Variants in METTL8 observed in about 807,000 individuals in gnomAD.
The protein encoded by METTL8 is tRNA N(3)-cytidine methyltransferase METTL8, mitochondrial.
In METTL8, 32 loss-of-function variants were observed where a neutral mutation model predicts 48.7. The observed-to-expected ratio is 0.66, with a 90% CI of 0.50 to 0.88. METTL8 has a LOEUF of 0.88. Among genes scored for constraint, METTL8 ranks in the 40% least tolerant of loss-of-function variants. The pLI, the probability that METTL8 is intolerant of heterozygous loss-of-function variation, is 0.00. For missense variants in METTL8, 464 were observed against 474.4 expected (o/e 0.98, Z 0.20); for synonymous variants, 136 against 157.1 (o/e 0.87, Z 1.01).
At chr2:171,395,131 T>C (rs982219285) in intron 1 of METTL8, among the ~76,000 whole-genome samples, 3 of 152,216 alleles carry the variant, frequency 2.0e-5, no homozygotes, top group Non-Finnish European at 1.5e-5. Flanking sequence ...TTTATGTACC[T>C]TCTCTTAGCT....
chr2:171,346,632 T>C (rs971371110), intron 3 of METTL8, among the ~76,000 whole-genome samples: 2 of 152,188 alleles, frequency 1.3e-5, no homozygotes, highest in African/African-American at 4.8e-5. Flanking sequence ...TGCTGTATAA[T>C]AATCTGCATA....
At chr2:171,363,817 T>TATATATATATATGTATATA (rs1228494441) in intron 2 of METTL8, among the ~76,000 whole-genome samples, 2 of 129,052 alleles carry the variant, frequency 1.5e-5, no homozygotes, top group Non-Finnish European at 3.3e-5. Context: ...TATATATATC[T>TATATATATATATGTATATA]TTTTTTTTTT....
At chr2:171,363,128 C>G (rs1685333843) in intron 2 of METTL8, among the ~76,000 whole-genome samples, 1 of 151,972 alleles carries the variant, frequency 6.6e-6, no homozygotes, top group Non-Finnish European at 1.5e-5. Flanking sequence ...TATTTCTTAA[C>G]TGTAACTTCC....
intron 2 of METTL8, among the ~76,000 whole-genome samples, chr2:171,362,602 T>TAAAA (rs55767864): frequency 1.3e-5 from 2 of 150,662 alleles, no homozygotes; most frequent in Non-Finnish European, 3.0e-5. Flanking sequence ...AATAAATAAA[T>TAAAA]CAAAATTGGT....
At chr2:171,398,141 G>C (rs1408889743) in intron 1 of METTL8, among the ~76,000 whole-genome samples, 2 of 151,862 alleles carry the variant, frequency 1.3e-5, no homozygotes, top group Non-Finnish European at 2.9e-5. Flanking sequence ...TCTACTTCTG[G>C]GTATATACCC....
In METTL8 at chr2:171,392,051, G is replaced by A. The variant is rs1688624730; in HGVS notation, c.135C>T (p.His45=). Residue 45 remains histidine (H), a synonymous_variant, in exon 2 of 10, where the codon CAC becomes CAT. Coordinates refer to ENST00000375258, the MANE Select transcript of METTL8 (RefSeq NM_001321154.2). ...ILTDPAKVFE[H]NMWDHMQWSK... ...TTAAAAAGAAAACTCACCACATGTT[G>A]TGTTCAAAAACTTTGGCTGGGTCAG... The A allele has an allele frequency of 1.3e-6, 2 of 1,551,006 alleles. No individual in the cohort carries two copies. The highest frequency in any genetic ancestry group is 8.7e-7 in the Non-Finnish European group (1 of 1,146,822).
intron 3 of METTL8, among the ~76,000 whole-genome samples, chr2:171,354,304 T>C (rs373317936): frequency 2.0e-5 from 3 of 152,362 alleles, no homozygotes; most frequent in East Asian, 3.9e-4. Context: ...TCTTCTGACT[T>C]GTAGAGTTTC....
At chr2:171,347,984 C>T (rs1456812852) in intron 3 of METTL8, among the ~76,000 whole-genome samples, 1 of 152,120 alleles carries the variant, frequency 6.6e-6, no homozygotes, top group Non-Finnish European at 1.5e-5. Context: ...ACTGGCTCTA[C>T]GGAATAGCAA....
chr2:171,367,924 T>C (rs1043640721), intron 2 of METTL8, among the ~76,000 whole-genome samples: 7 of 152,190 alleles, frequency 4.6e-5, no homozygotes, highest in Non-Finnish European at 1.0e-4. Flanking sequence ...AAATCGAAAC[T>C]ATTCTCATAA....
In METTL8 at chr2:171,362,559, A is replaced by C. The variant is rs1426699185; in HGVS notation, c.144-2046T>G. The stretch of plus-strand genomic sequence containing the variant: ...GAAGGTACGAAACTGTTTTCCTTAA[A>C]AAAATAAAAATAAATAAATAAATAA... On this transcript the variant is annotated intron_variant, in intron 2 of 9. Coordinates refer to ENST00000375258, the MANE Select transcript of METTL8 (RefSeq NM_001321154.2). Among the ~76,000 whole-genome samples the C allele has an allele frequency of 1.6e-5, 2 of 122,314 alleles. 1 individual carries two copies. Among genetic ancestry groups the C allele is most frequent in the Middle Eastern group, 7.0e-3 (2 of 284 alleles). 80.2% of individuals were successfully genotyped at this position (122,314 alleles called of 152,430 possible). A position where few individuals can be genotyped will look rare whatever the true frequency, so the allele number is the denominator to read the frequency against.
intron 5 of METTL8, among the ~76,000 whole-genome samples, chr2:171,336,400 T>C (rs1686111279): frequency 1.6e-5 from 1 of 64,178 alleles, no homozygotes; most frequent in African/African-American, 8.4e-5. Context: ...CGACTGCTTT[T>C]TTTTTTTTTT....
chr2:171,353,165 T>C (rs983090273), intron 3 of METTL8, among the ~76,000 whole-genome samples: 1 of 152,230 alleles, frequency 6.6e-6, no homozygotes, highest in Non-Finnish European at 1.5e-5. Context: ...TCTGGTATGT[T>C]GTATCTTTGT....
At chr2:171,341,119 G>A (rs1404441007) in intron 3 of METTL8, among the ~76,000 whole-genome samples, 2 of 151,758 alleles carry the variant, frequency 1.3e-5, no homozygotes, top group African/African-American at 2.4e-5. Context: ...CACGAGGTCA[G>A]GAGTTCAAGA....
intron 2 of METTL8, among the ~76,000 whole-genome samples, chr2:171,387,816 A>G (rs1027393774): frequency 6.6e-6 from 1 of 152,104 alleles, no homozygotes; most frequent in Non-Finnish European, 1.5e-5. Context: ...AAATCAATGT[A>G]TTCCCTTTCA....
intron 1 of METTL8, among the ~76,000 whole-genome samples, chr2:171,423,533 A>C (rs903444254): frequency 1.3e-5 from 2 of 152,176 alleles, no homozygotes; most frequent in Non-Finnish European, 2.9e-5. Flanking sequence ...TGATATGGAC[A>C]ATAGAGCCCC....
intron 1 of METTL8, among the ~76,000 whole-genome samples, chr2:171,412,256 CCT>C (rs1465533658): frequency 1.3e-5 from 2 of 152,100 alleles, no homozygotes; most frequent in Non-Finnish European, 2.9e-5. Flanking sequence ...AGGCTAAGTC[CCT>C]CTGTCAATTA....
intron 2 of METTL8, among the ~76,000 whole-genome samples, chr2:171,386,093 T>G (rs963629694): frequency 2.6e-5 from 4 of 152,216 alleles, no homozygotes; most frequent in African/African-American, 7.2e-5. Context: ...CAGATGATCC[T>G]TGCTTTCCTG....
At chr2:171,411,732 A>G (rs1318035479) in intron 1 of METTL8, among the ~76,000 whole-genome samples, 2 of 152,312 alleles carry the variant, frequency 1.3e-5, no homozygotes, top group South Asian at 2.1e-4. Flanking sequence ...AAAAAAGTGA[A>G]TATTTTCCCA....
intron 1 of METTL8, among the ~76,000 whole-genome samples, chr2:171,411,258 A>G (rs1690721001): frequency 1.3e-5 from 2 of 152,242 alleles, no homozygotes; most frequent in African/African-American, 4.8e-5. Context: ...TTCCAACAGA[A>G]ATTCCAAAAA....
Sources: gnomAD v4.1 joint callset for allele counts (sites outside exome capture counted in the v4.1 genomes callset) on GRCh38, gnomAD v4.1.1 for gene constraint, MANE v1.5 for transcripts, NCBI Gene and HGNC (gene_info 2026-07-23, HGNC 2026-07-21) for gene names.